NT5DC1: variants seen among roughly 807,000 people sequenced by gnomAD.
NT5DC1 encodes 5'-nucleotidase domain-containing protein 1.
A neutral mutation model predicts 59.4 loss-of-function variants in NT5DC1; 42 were observed. The ratio of observed to expected loss-of-function variants is 0.71; its 90% CI spans 0.55 to 0.92. The LOEUF is 0.92. NT5DC1 is among the 40% of genes least tolerant of loss of function. The pLI, the probability that NT5DC1 is intolerant of heterozygous loss-of-function variation, is 0.00. For synonymous variants in NT5DC1, 172 were observed against 188.1 expected, an observed-to-expected ratio of 0.91 and a Z score of 0.70; for missense variants, 501 against 537.1, an observed-to-expected ratio of 0.93 and a Z score of 0.66.
intron 11 of NT5DC1, among the ~76,000 whole-genome samples, chr6:116,239,334 G>A (rs1288371460): frequency 2.0e-5 from 3 of 152,166 alleles, no homozygotes; most frequent in Admixed American, 2.0e-4. Context: ...AAGTCAGCTT[G>A]GAGGCATATT....
At chr6:116,175,147 A>C (rs1005902896) in intron 6 of NT5DC1, among the ~76,000 whole-genome samples, 1 of 152,190 alleles carries the variant, frequency 6.6e-6, no homozygotes, top group African/African-American at 2.4e-5. Flanking sequence ...AGTTTGATGC[A>C]TTCTGACTCA....
At chr6:116,210,957 C>T (rs1781565265) in intron 6 of NT5DC1, among the ~76,000 whole-genome samples, 1 of 151,996 alleles carries the variant, frequency 6.6e-6, no homozygotes, top group South Asian at 2.1e-4. Context: ...GAAGTCACAC[C>T]TTTCTGTTTT....
intron 6 of NT5DC1, among the ~76,000 whole-genome samples, chr6:116,185,368 T>C (rs1284159658): frequency 6.6e-6 from 1 of 152,140 alleles, no homozygotes; most frequent in Non-Finnish European, 1.5e-5. Context: ...TGAAAATATC[T>C]GTTAAGTCCA....
intron 6 of NT5DC1, among the ~76,000 whole-genome samples, chr6:116,207,022 G>A (rs1282450953): frequency 6.6e-6 from 1 of 151,672 alleles, no homozygotes; most frequent in Non-Finnish European, 1.5e-5. Flanking sequence ...TAAATAGTCT[G>A]ATCACTTATG....
At chr6:116,236,818 A>G in intron 8 of NT5DC1, 148 bp from the exon 9 acceptor site, 1 of 601,976 alleles carries the variant, frequency 1.7e-6, no homozygotes, top group Non-Finnish European at 3.0e-6. Flanking sequence ...TAAGGGCCTT[A>G]TAATATGTAG....
intron 6 of NT5DC1, among the ~76,000 whole-genome samples, chr6:116,126,526 G>C (rs577857955): frequency 6.6e-6 from 1 of 151,978 alleles, no homozygotes; most frequent in Non-Finnish European, 1.5e-5. Flanking sequence ...CTTGAAGGGG[G>C]TACTGGATTT....
intron 6 of NT5DC1, among the ~76,000 whole-genome samples, chr6:116,191,211 T>C (rs1248502875): frequency 7.2e-5 from 11 of 152,004 alleles, no homozygotes; most frequent in Admixed American, 7.2e-4. Context: ...AATAAACAAC[T>C]CCTACCCTTC....
intron 6 of NT5DC1, among the ~76,000 whole-genome samples, chr6:116,215,407 A>C (rs911296815): frequency 4.6e-5 from 7 of 152,136 alleles, no homozygotes; most frequent in African/African-American, 1.7e-4. Flanking sequence ...CAGCTCCTCC[A>C]ATGTTATGCC....
At chr6:116,120,064 T>TGTG (rs1554192882) in intron 6 of NT5DC1, 1 of 1,041,936 alleles carries the variant, frequency 9.6e-7, no homozygotes. Context: ...AGATTAGCTC[T>TGTG]GTGTGTACTC....
chr6:116,178,528 C>T (rs1196161803), intron 6 of NT5DC1, among the ~76,000 whole-genome samples: 1 of 152,178 alleles, frequency 6.6e-6, no homozygotes, highest in Non-Finnish European at 1.5e-5. Flanking sequence ...GACTTCCAGT[C>T]ATTTGTTGTT....
At chr6:116,130,671 A>G (rs1779437114) in intron 6 of NT5DC1, among the ~76,000 whole-genome samples, 1 of 152,070 alleles carries the variant, frequency 6.6e-6, no homozygotes, top group Non-Finnish European at 1.5e-5. Flanking sequence ...ATTAAATATA[A>G]GATATATGAT....
chr6:116,141,885 A>AACACACACACACACAC lies in NT5DC1; in HGVS notation c.529+23967_529+23982dup, dbSNP rs3051942. On this transcript the variant is annotated intron_variant, in intron 6 of 11. Coordinates refer to ENST00000319550, the MANE Select transcript of NT5DC1 (RefSeq NM_152729.3). ...GTAAAAGATTTTCTGCCAAAAAGAAAACACACACACACACACACACACACA... is the reference window on the plus strand; with the variant it reads ...GTAAAAGATTTTCTGCCAAAAAGAAAACACACACACACACACACACACACACACACACACACACACA... Among the ~76,000 whole-genome samples, 550 of 140,396 alleles carry AACACACACACACACAC rather than the reference A, an allele frequency of 3.9e-3. 4 individuals are homozygous for AACACACACACACACAC. The highest frequency in any genetic ancestry group is 0.014 in the African/African-American group (515 of 37,466). 92.1% of individuals were successfully genotyped at this position (140,396 alleles called of 152,430 possible).
chr6:116,117,677 A>C (rs1319696889), intron 5 of NT5DC1, among the ~76,000 whole-genome samples, 184 bp from the exon 6 acceptor site: 1 of 152,214 alleles, frequency 6.6e-6, no homozygotes, highest in Non-Finnish European at 1.5e-5. Context: ...CAATTGTTGT[A>C]TGGGTACTTG....
At chr6:116,153,648 A>G (rs568280909) in intron 6 of NT5DC1, among the ~76,000 whole-genome samples, 11 of 152,310 alleles carry the variant, frequency 7.2e-5, no homozygotes, top group Admixed American at 7.2e-4. Flanking sequence ...AAAGTTGCAT[A>G]TAAAATTGCT....
chr6:116,227,932 T>C (rs1294133083), intron 8 of NT5DC1, among the ~76,000 whole-genome samples: 1 of 152,240 alleles, frequency 6.6e-6, no homozygotes, highest in African/African-American at 2.4e-5. Flanking sequence ...TTGACTGTTT[T>C]CTTTGTGGTT....
chr6:116,133,923 T>C (rs1779527392), intron 6 of NT5DC1, among the ~76,000 whole-genome samples: 1 of 152,214 alleles, frequency 6.6e-6, no homozygotes, highest in Admixed American at 6.6e-5. Context: ...CCATTAATAG[T>C]GGTTTTTTTC....
chr6:116,163,141 A>AAATATAT lies in NT5DC1; in HGVS notation c.529+45197_529+45198insATATATA, dbSNP rs761718922. ...GACTCCGTCTCAAAAAAAAAAAAAA[A>AAATATAT]ATATATATATATATATATATATTAG... On this transcript the variant is annotated intron_variant, in intron 6 of 11. Transcript: ENST00000319550. Among the ~76,000 whole-genome samples, 407 of 88,362 alleles carry AAATATAT rather than the reference A, an allele frequency of 4.6e-3. 9 individuals are homozygous for AAATATAT. Among genetic ancestry groups the AAATATAT allele is most frequent in the African/African-American group, 0.021 (367 of 17,316 alleles). 58.0% of individuals were successfully genotyped at this position (88,362 alleles called of 152,430 possible).
intron 1 of NT5DC1, among the ~76,000 whole-genome samples, chr6:116,103,909 T>C (rs1778713737): frequency 6.6e-6 from 1 of 152,152 alleles, no homozygotes; most frequent in South Asian, 2.1e-4. Context: ...AAATTATTTG[T>C]TTTTTATTTG....
At chr6:116,242,561 T>G (rs987293049) in intron 11 of NT5DC1, among the ~76,000 whole-genome samples, 2 of 151,300 alleles carry the variant, frequency 1.3e-5, no homozygotes, top group African/African-American at 4.9e-5. Flanking sequence ...ATGATTAGCA[T>G]GAGAGAGATC....
Sources: gnomAD v4.1 joint callset for allele counts (sites outside exome capture counted in the v4.1 genomes callset) on GRCh38, gnomAD v4.1.1 for gene constraint, MANE v1.5 for transcripts, NCBI Gene and HGNC (gene_info 2026-07-23, HGNC 2026-07-21) for gene names.